Variants in CDC73 observed in about 807,000 individuals in gnomAD.
The protein encoded by CDC73 is parafibromin.
A neutral mutation model predicts 83.7 loss-of-function variants in CDC73; 21 were observed. The ratio of observed to expected loss-of-function variants is 0.25; its 90% CI spans 0.18 to 0.36. The LOEUF is 0.36. Among genes scored for constraint, CDC73 ranks in the 10% least tolerant of loss-of-function variants. The pLI is 1.00. For missense variants in CDC73, 342 were observed against 653.3 expected (o/e 0.52, Z 5.19); for synonymous variants, 224 against 212.9 (o/e 1.05, Z -0.45).
At chr1:193,224,262 T>C (rs1222269212) in intron 13 of CDC73, among the ~76,000 whole-genome samples, 1 of 152,072 alleles carries the variant, frequency 6.6e-6, no homozygotes, top group Non-Finnish European at 1.5e-5. Context: ...ATCTGTCATA[T>C]TATACGAGAA....
At chr1:193,197,618 C>T (rs1677023047) in intron 10 of CDC73, among the ~76,000 whole-genome samples, 1 of 152,102 alleles carries the variant, frequency 6.6e-6, no homozygotes, top group South Asian at 2.1e-4. Flanking sequence ...CTGGCACTTA[C>T]TATGCTTTCA....
At position 193,210,691 on chromosome 1, in the gene CDC73, T is replaced by C. The variant is rs139755464; in HGVS notation, c.1031-1374T>C. Among the ~76,000 whole-genome samples the C allele has an allele frequency of 1.7e-3, 264 of 152,206 alleles. 1 individual carries two copies. The highest frequency in any genetic ancestry group is 6.2e-3 in the African/African-American group (256 of 41,524). ...ATAGCTTGAGCTCAGGAGTTCGAGA[T>C]CAACCCTGGGTGACATTGCGAGACC... On this transcript the variant is annotated intron_variant, in intron 11 of 16. Coordinates refer to ENST00000367435, the MANE Select transcript of CDC73 (RefSeq NM_024529.5).
rs561619309 is a variant in CDC73, at chr1:193,227,143, C to T, written c.1155-5850C>T. On this transcript the variant is annotated intron_variant, in intron 13 of 16. Coordinates refer to ENST00000367435, the MANE Select transcript of CDC73 (RefSeq NM_024529.5). The stretch of plus-strand genomic sequence containing the variant: ...TAGCCTTGAATGATATTTTGTCTTT[C>T]GGTGGTGTCAGGTGTAATAGCTCCC... Among the ~76,000 whole-genome samples, 11 of 151,980 alleles carry T rather than the reference C, an allele frequency of 7.2e-5. No homozygotes were observed. In the South Asian group the frequency reaches 1.5e-3, roughly 20 times the overall value.
chr1:193,167,308 AGTTTTTTTAT>A (rs1324370921), intron 10 of CDC73, among the ~76,000 whole-genome samples: 1 of 152,126 alleles, frequency 6.6e-6, no homozygotes, highest in Admixed American at 6.6e-5. Context: ...TCCTGCCTGT[AGTTTTTTTAT>A]GTAGGCTACT....
intron 10 of CDC73, among the ~76,000 whole-genome samples, chr1:193,156,218 AT>A (rs1247578884): frequency 6.6e-6 from 1 of 152,184 alleles, no homozygotes; most frequent in African/African-American, 2.4e-5. Flanking sequence ...ATTAGTGAGG[AT>A]TTGGTAGTTG....
At chr1:193,154,571 G>A (rs1471712402) in intron 10 of CDC73, among the ~76,000 whole-genome samples, 2 of 152,148 alleles carry the variant, frequency 1.3e-5, no homozygotes, top group Admixed American at 6.5e-5. Flanking sequence ...TCATGAAAAA[G>A]GCATTGTGTA....
At chr1:193,175,508 C>T (rs1035190444) in intron 10 of CDC73, among the ~76,000 whole-genome samples, 5 of 152,118 alleles carry the variant, frequency 3.3e-5, no homozygotes, top group African/African-American at 1.2e-4. Context: ...GGTTCCACAT[C>T]CGTAGATTTA....
intron 15 of CDC73, among the ~76,000 whole-genome samples, chr1:193,240,008 A>G (rs1677829929): frequency 6.6e-6 from 1 of 152,092 alleles, no homozygotes; most frequent in African/African-American, 2.4e-5. Context: ...CTCCTGCCAC[A>G]CACATACACA....
At chr1:193,136,399 GGATCTGATATTTTTAAGAGAT>G (rs1310774493) in intron 5 of CDC73, 2 of 193,876 alleles carry the variant, frequency 1.0e-5, no homozygotes, top group African/African-American at 4.8e-5. Context: ...TCTGAGAAAT[GGATCTGATATTTTTAAGAGAT>G]AATGATGATA....
intron 11 of CDC73, among the ~76,000 whole-genome samples, chr1:193,206,756 G>C (rs1468644049): frequency 2.0e-5 from 3 of 152,202 alleles, no homozygotes. Context: ...GATACCTCAA[G>C]GGTGGAGTTC....
At chr1:193,172,236 C>A (rs899642824) in intron 10 of CDC73, among the ~76,000 whole-genome samples, 15 of 134,788 alleles carry the variant, frequency 1.1e-4, no homozygotes, top group Non-Finnish European at 1.9e-4. Context: ...ATTTTTGGTA[C>A]CTTTTTTTTT....
intron 15 of CDC73, among the ~76,000 whole-genome samples, chr1:193,243,504 A>G (rs1397524354): frequency 6.6e-6 from 1 of 152,320 alleles, no homozygotes; most frequent in East Asian, 1.9e-4. Flanking sequence ...TGAAATTATT[A>G]AAGAAGACTG....
intron 10 of CDC73, among the ~76,000 whole-genome samples, chr1:193,158,527 A>G (rs1018759865): frequency 6.6e-6 from 1 of 152,078 alleles, no homozygotes; most frequent in Non-Finnish European, 1.5e-5. Context: ...AGTAACTTTC[A>G]TCTGAAAATT....
chr1:193,182,809 A>C (rs974523141), intron 10 of CDC73, among the ~76,000 whole-genome samples: 5 of 152,076 alleles, frequency 3.3e-5, no homozygotes, highest in African/African-American at 1.2e-4. Context: ...GAGGGAGTAG[A>C]GGTGGGCAAA....
At chr1:193,138,250 T>C (rs1016996454) in intron 6 of CDC73, 77 bp downstream of exon 6, 6 of 965,266 alleles carry the variant, frequency 6.2e-6, no homozygotes, top group Non-Finnish European at 8.5e-6. Flanking sequence ...ATTAAAATGC[T>C]CTCCACATTT....
At chr1:193,180,643 C>T (rs1262557173) in intron 10 of CDC73, 12 of 1,613,990 alleles carry the variant, frequency 7.4e-6, no homozygotes, top group South Asian at 1.1e-5. Context: ...GACAGGATAA[C>T]GCTCACTTGG....
intron 10 of CDC73, among the ~76,000 whole-genome samples, chr1:193,175,217 G>T (rs1319562270): frequency 1.3e-5 from 2 of 152,150 alleles, no homozygotes; most frequent in Non-Finnish European, 2.9e-5. Context: ...GTAACATTAT[G>T]GCTGTAATAT....
At chr1:193,188,039 T>C (rs1676850307) in intron 10 of CDC73, among the ~76,000 whole-genome samples, 1 of 152,334 alleles carries the variant, frequency 6.6e-6, no homozygotes, top group Middle Eastern at 3.4e-3. Context: ...AAATAACTTA[T>C]TTTCCAGAAG....
chr1:193,185,516 G>T (rs958500099), intron 10 of CDC73, among the ~76,000 whole-genome samples: 1 of 151,748 alleles, frequency 6.6e-6, no homozygotes, highest in African/African-American at 2.4e-5. Context: ...GGAAGATTTT[G>T]TTACTAAAAG....
Sources: allele counts gnomAD v4.1 joint callset (sites outside exome capture counted in the v4.1 genomes callset), GRCh38; gene constraint gnomAD v4.1.1; transcripts MANE v1.5; gene names NCBI Gene and HGNC (gene_info 2026-07-23, HGNC 2026-07-21).